Variants in NBPF15 observed in about 807,000 individuals in gnomAD.
The protein encoded by NBPF15 is NBPF member 15.
In NBPF15, 74 loss-of-function variants were observed where a neutral mutation model predicts 62.2. The ratio of observed to expected loss-of-function variants is 1.19; its 90% CI spans 0.99 to 1.44. The LOEUF (loss-of-function observed/expected upper bound fraction) is 1.44. Ranked by LOEUF, NBPF15 falls within the 40% of genes most tolerant of loss-of-function variation. The probability of loss-of-function intolerance (pLI) is 0.00; values close to 1 mark genes in which losing one functional copy is unlikely to be tolerated. For missense variants in NBPF15, 790 were observed against 550.0 expected (o/e 1.44, Z -4.36); for synonymous variants, 244 against 209.7 (o/e 1.16, Z -1.41).
At chr1:144,459,813 C>T (rs1463997799) in intron 2 of NBPF15, among the ~76,000 whole-genome samples, 5 of 151,738 alleles carry the variant, frequency 3.3e-5, no homozygotes, top group African/African-American at 9.7e-5. Flanking sequence ...TAATTTTTAA[C>T]TGACAGGCAT....
chr1:144,440,080 G>A (rs1425165436), intron 7 of NBPF15, 42 bp from the exon 8 acceptor site: 17 of 1,572,624 alleles, frequency 1.1e-5, no homozygotes, highest in South Asian at 2.2e-5. Flanking sequence ...TTAAAAACTG[G>A]TGAAATCAAA....
chr1:144,427,556 C>T (rs1261033882), intron 16 of NBPF15, among the ~76,000 whole-genome samples: 1 of 147,356 alleles, frequency 6.8e-6, no homozygotes, highest in Admixed American at 6.7e-5. Flanking sequence ...GAATTTGTCA[C>T]ATCTGCCCAG....
At chr1:144,444,413 A>G (rs1387373086) in intron 6 of NBPF15, among the ~76,000 whole-genome samples, 4 of 151,872 alleles carry the variant, frequency 2.6e-5, no homozygotes, top group Non-Finnish European at 2.9e-5. Flanking sequence ...TTAGTATTAA[A>G]TAAGTTTTAC....
intron 16 of NBPF15, 69 bp downstream of exon 16, chr1:144,427,749 T>C: frequency 5.0e-6 from 3 of 603,226 alleles, no homozygotes; most frequent in Non-Finnish European, 5.9e-6. Context: ...AAGGGCCACT[T>C]GCAGTAGGAA....
chr1:144,427,627 G>C (rs1456764123), intron 16 of NBPF15, among the ~76,000 whole-genome samples, 191 bp downstream of exon 16: 1 of 145,726 alleles, frequency 6.9e-6, no homozygotes, highest in African/African-American at 2.8e-5. Context: ...TAGGAAGAGA[G>C]CCTTGCTCAC....
chr1:144,438,612 C>T (rs1304285405), intron 8 of NBPF15, among the ~76,000 whole-genome samples: 4 of 151,940 alleles, frequency 2.6e-5, no homozygotes, highest in Non-Finnish European at 2.9e-5. Context: ...TGCCCAAATG[C>T]TAATAAAGTT....
At position 144,427,766 on chromosome 1, in the gene NBPF15, C is replaced by G. The variant is rs1190894554; in HGVS notation, c.1213+52G>C. On this transcript the variant is annotated intron_variant, in intron 16 of 21. Coordinates refer to ENST00000581897, the MANE Select transcript of NBPF15 (RefSeq NM_001385408.1). ...GGGCCACTTGCAGTAGGAATATGAC[C>G]CTAACCAGAAGACTCAGTGGATCCT... The G allele has an allele frequency of 1.9e-3, 1,140 of 611,306 alleles. 19 individuals carry two copies. The African/African-American group carries it at 0.019, about 10-fold the overall frequency. The allele number at this position is 611,306 out of a possible 1,614,324, so 37.9% of individuals were successfully genotyped here.
chr1:144,423,647 G>A (rs1296613082), intron 21 of NBPF15, among the ~76,000 whole-genome samples: 3 of 152,154 alleles, frequency 2.0e-5, no homozygotes, highest in East Asian at 3.9e-4. Flanking sequence ...GGCCATCAGA[G>A]TACAGCTTTT....
chr1:144,447,656 A>C (rs1258901982), intron 6 of NBPF15, among the ~76,000 whole-genome samples: 1 of 151,940 alleles, frequency 6.6e-6, no homozygotes, highest in African/African-American at 2.4e-5. Flanking sequence ...CTAGCTAATA[A>C]TGCCAGGTGA....
chr1:144,439,749 A>C, intron 8 of NBPF15, 80 bp downstream of exon 8: 1 of 1,015,380 alleles, frequency 9.8e-7, no homozygotes, highest in Non-Finnish European at 1.5e-6. Flanking sequence ...ATTATTTTTG[A>C]TGGAGAGAGC....
chr1:144,429,414 T>G (rs1343334613), intron 14 of NBPF15, among the ~76,000 whole-genome samples: 2 of 151,458 alleles, frequency 1.3e-5, no homozygotes, highest in Non-Finnish European at 2.9e-5. Flanking sequence ...ATGTGCTGCA[T>G]AGTTTGGTGT....
intron 6 of NBPF15, among the ~76,000 whole-genome samples, chr1:144,440,770 A>C (rs1191341552): frequency 1.3e-5 from 2 of 149,644 alleles, no homozygotes; most frequent in Non-Finnish European, 3.0e-5. Context: ...CTCCTGCCTC[A>C]GACTCCCAAG....
At chr1:144,425,671 T>G (rs1202569279) in intron 18 of NBPF15, 103 bp from the exon 19 acceptor site, 14 of 601,472 alleles carry the variant, frequency 2.3e-5, no homozygotes, top group Non-Finnish European at 4.2e-5. Flanking sequence ...CTTCTCAGCA[T>G]GAGAACAGGA....
intron 4 of NBPF15, among the ~76,000 whole-genome samples, chr1:144,453,366 A>G (rs1463082236): frequency 2.6e-5 from 4 of 152,004 alleles, no homozygotes; most frequent in Non-Finnish European, 5.9e-5. Flanking sequence ...GTGCAAAACC[A>G]TAAGAATCCT....
chr1:144,461,151 C>T (rs587668021), intron 1 of NBPF15, among the ~76,000 whole-genome samples, 190 bp from the exon 2 acceptor site: 2 of 151,856 alleles, frequency 1.3e-5, no homozygotes, highest in African/African-American at 2.4e-5. Context: ...CGTCCCTCCA[C>T]CCCCTGAGAT....
intron 6 of NBPF15, among the ~76,000 whole-genome samples, chr1:144,448,562 T>A (rs1689168778): frequency 6.6e-6 from 1 of 152,086 alleles, no homozygotes; most frequent in Non-Finnish European, 1.5e-5. Flanking sequence ...TGCATTAAAT[T>A]TAAGCCTAAT....
chr1:144,426,910 G>C (rs1354779221), intron 17 of NBPF15, 137 bp downstream of exon 17: 1 of 575,030 alleles, frequency 1.7e-6, no homozygotes, highest in Non-Finnish European at 3.1e-6. Context: ...CTACTGCAAT[G>C]AAAACCAACA....
intron 3 of NBPF15, among the ~76,000 whole-genome samples, chr1:144,457,072 A>C (rs61812360): frequency 4.6e-4 from 70 of 152,102 alleles, no homozygotes; most frequent in African/African-American, 1.7e-3. Flanking sequence ...TCAGCTACTC[A>C]GAAGGCTGAG....
At chr1:144,450,439 C>G (rs1440361234) in intron 5 of NBPF15, among the ~76,000 whole-genome samples, 1 of 151,976 alleles carries the variant, frequency 6.6e-6, no homozygotes, top group East Asian at 1.9e-4. Flanking sequence ...AAAGGGCCCT[C>G]AGCCCCCCAC....
Sources: gnomAD v4.1 joint callset for allele counts (sites outside exome capture counted in the v4.1 genomes callset) on GRCh38, gnomAD v4.1.1 for gene constraint, MANE v1.5 for transcripts, NCBI Gene and HGNC (gene_info 2026-07-23, HGNC 2026-07-21) for gene names.